The following DCAF8L2 variants were observed in gnomAD, a reference collection of about 807,000 sequenced individuals.
DCAF8L2 encodes DDB1- and CUL4-associated factor 8-like protein 2.
For synonymous variants in DCAF8L2, 200 were observed against 190.9 expected (o/e 1.05, Z -0.39); for missense variants, 430 against 490.7 (o/e 0.88, Z 1.17).
chrX:27,570,761 C>T, the DCAF8L2 span, among the ~76,000 whole-genome samples: 1 of 111,945 alleles, frequency 8.9e-6, no homozygotes, highest in African/African-American at 3.2e-5. Flanking sequence ...TACAAATTTT[C>T]TCTGTTACTT....
At chrX:27,534,054 CA>C in the DCAF8L2 span, among the ~76,000 whole-genome samples, 1 of 109,601 alleles carries the variant, frequency 9.1e-6, no homozygotes, top group African/African-American at 3.3e-5. Flanking sequence ...ACAAAAAACC[CA>C]CAAAAATTAG....
intron 4 of DCAF8L2, among the ~76,000 whole-genome samples, chrX:27,743,434 G>A (rs1032764292): frequency 4.5e-5 from 5 of 111,047 alleles, no homozygotes; most frequent in Non-Finnish European, 3.8e-5. Context: ...GTCTCACTCC[G>A]TCACCCAGTC....
intron 2 of DCAF8L2, among the ~76,000 whole-genome samples, chrX:27,664,419 C>T (rs6630538): frequency 0.15 from 16,509 of 111,015 alleles, 1,513 homozygotes; most frequent in East Asian, 0.37. Flanking sequence ...AGAAGAAAAG[C>T]TGGAAGCTAA....
At chrX:27,573,262 A>T in the DCAF8L2 span, among the ~76,000 whole-genome samples, 15 of 78,850 alleles carry the variant, frequency 1.9e-4, no homozygotes, top group East Asian at 9.3e-4. Flanking sequence ...TCTCACACAC[A>T]CACACACACA....
intron 4 of DCAF8L2, among the ~76,000 whole-genome samples, chrX:27,723,902 TA>T (rs1201620143): frequency 9.0e-6 from 1 of 110,772 alleles, no homozygotes; most frequent in Non-Finnish European, 1.9e-5. Context: ...GTATAGCGTT[TA>T]TGTACCAAGA....
the DCAF8L2 span, among the ~76,000 whole-genome samples, chrX:27,470,686 C>A: frequency 8.9e-6 from 1 of 111,902 alleles, no homozygotes; most frequent in Non-Finnish European, 1.9e-5. Flanking sequence ...CTCAGGATTC[C>A]TCTTGATAGA....
intron 3 of DCAF8L2, among the ~76,000 whole-genome samples, chrX:27,710,064 A>C (rs1287510204): frequency 9.0e-6 from 1 of 111,216 alleles, no homozygotes; most frequent in African/African-American, 3.3e-5. Flanking sequence ...TTTTCCACAT[A>C]GATGTTCAGT....
At chrX:27,582,677 T>A in the DCAF8L2 span, among the ~76,000 whole-genome samples, 15 of 111,346 alleles carry the variant, frequency 1.3e-4, no homozygotes, top group Non-Finnish European at 2.4e-4. Context: ...TCTGCCTGAG[T>A]TTTGAATCCC....
the DCAF8L2 span, among the ~76,000 whole-genome samples, chrX:27,514,687 A>C: frequency 3.0e-4 from 24 of 79,491 alleles, 1 homozygote; most frequent in Non-Finnish European, 4.6e-4. Context: ...AAAAAAAAAA[A>C]AAAAAAAACA....
chrX:27,647,098 A>G (rs1928968411), intron 2 of DCAF8L2, among the ~76,000 whole-genome samples: 1 of 112,175 alleles, frequency 8.9e-6, no homozygotes, highest in Non-Finnish European at 1.9e-5. Flanking sequence ...TATTACAAAG[A>G]TACATGCAAA....
the DCAF8L2 span, among the ~76,000 whole-genome samples, chrX:27,545,679 A>G: frequency 9.0e-6 from 1 of 111,716 alleles, no homozygotes; most frequent in Admixed American, 9.5e-5. Context: ...TGACACTGCT[A>G]TAAAGAAATT....
chrX:27,713,560 A>G (rs1034421466), intron 3 of DCAF8L2, among the ~76,000 whole-genome samples: 3 of 111,696 alleles, frequency 2.7e-5, no homozygotes, highest in Non-Finnish European at 5.7e-5. Flanking sequence ...GAAGGAGAAA[A>G]TTGGAGTAAA....
chrX:27,727,689 A>C, intron 4 of DCAF8L2, among the ~76,000 whole-genome samples: 1 of 111,514 alleles, frequency 9.0e-6, no homozygotes, highest in Non-Finnish European at 1.9e-5. Flanking sequence ...ACATATAAAC[A>C]CCGTGCTAAA....
At chrX:27,670,829 C>G (rs1447141777) in intron 2 of DCAF8L2, among the ~76,000 whole-genome samples, 1 of 111,577 alleles carries the variant, frequency 9.0e-6, no homozygotes, top group Non-Finnish European at 1.9e-5. Flanking sequence ...TCCTTCCTCT[C>G]TCATCGCTCT....
chrX:27,733,788 C>A (rs1170528063), intron 4 of DCAF8L2, among the ~76,000 whole-genome samples: 2 of 111,464 alleles, frequency 1.8e-5, no homozygotes, highest in Non-Finnish European at 3.8e-5. Context: ...AAGAAAATAT[C>A]CTTTCCCCAT....
chrX:27,595,406 ACT>A (rs1408951229), intron 1 of DCAF8L2, among the ~76,000 whole-genome samples: 1 of 110,394 alleles, frequency 9.1e-6, no homozygotes, highest in Non-Finnish European at 1.9e-5. Flanking sequence ...TTTTAGTCAG[ACT>A]CTAAATTTTG....
the DCAF8L2 span, among the ~76,000 whole-genome samples, chrX:27,533,123 AAAGG>A: frequency 1.3e-4 from 4 of 30,421 alleles, 1 homozygote; most frequent in African/African-American, 2.7e-4. Flanking sequence ...GAAGGAAGGG[AAAGG>A]AAGGAAGGAA....
At chrX:27,698,894 C>G (rs942085003) in intron 3 of DCAF8L2, among the ~76,000 whole-genome samples, 1 of 111,693 alleles carries the variant, frequency 9.0e-6, no homozygotes, top group African/African-American at 3.3e-5. Flanking sequence ...ATTCTTTTGA[C>G]TATTTTAAAT....
chrX:27,599,336 CAG>C (rs1484128129), intron 1 of DCAF8L2, among the ~76,000 whole-genome samples: 1 of 110,820 alleles, frequency 9.0e-6, no homozygotes, highest in Non-Finnish European at 1.9e-5. Flanking sequence ...CTCATAGAAA[CAG>C]AGAGTAGAAT....
Sources: allele counts gnomAD v4.1 joint callset (sites outside exome capture counted in the v4.1 genomes callset), GRCh38; gene constraint gnomAD v4.1.1; transcripts MANE v1.5; gene names NCBI Gene and HGNC (gene_info 2026-07-23, HGNC 2026-07-21).